The following ENTREP2 variants were observed in gnomAD, a reference collection of about 807,000 sequenced individuals.
ENTREP2 encodes endosomal transmembrane epsin interactor 2.
the ENTREP2 span, among the ~76,000 whole-genome samples, chr15:29,277,349 A>G: frequency 6.6e-6 from 1 of 152,040 alleles, no homozygotes; most frequent in Admixed American, 6.6e-5. Context: ...CTCAAAGAAA[A>G]AAAAAAAAAA....
the ENTREP2 span, chr15:29,374,360 G>A: frequency 2.6e-5 from 4 of 151,854 alleles, no homozygotes; most frequent in South Asian, 8.3e-4. Context: ...CAACTCTTTG[G>A]GGTTTTTGGT....
the ENTREP2 span, among the ~76,000 whole-genome samples, chr15:29,287,312 G>A: frequency 6.7e-6 from 1 of 150,224 alleles, no homozygotes; most frequent in East Asian, 2.0e-4. Flanking sequence ...AAATAGCCGT[G>A]CCTGCATTCG....
At chr15:29,145,248 G>A in the ENTREP2 span, among the ~76,000 whole-genome samples, 1 of 152,106 alleles carries the variant, frequency 6.6e-6, no homozygotes, top group East Asian at 1.9e-4. Context: ...CATATTAATA[G>A]AACAGAGGAC....
the ENTREP2 span, among the ~76,000 whole-genome samples, chr15:29,364,872 C>T: frequency 6.6e-6 from 1 of 152,154 alleles, no homozygotes; most frequent in East Asian, 1.9e-4. Context: ...CACCAGCCGC[C>T]AGCAGAGTGG....
chr15:29,570,191 C>T, the ENTREP2 span, among the ~76,000 whole-genome samples: 10 of 151,696 alleles, frequency 6.6e-5, no homozygotes, highest in Admixed American at 1.3e-4. Context: ...CCCCGGCGCG[C>T]GCGGTCCCCG....
At chr15:29,212,974 G>A in the ENTREP2 span, among the ~76,000 whole-genome samples, 1 of 152,224 alleles carries the variant, frequency 6.6e-6, no homozygotes, top group African/African-American at 2.4e-5. Flanking sequence ...TGTATAAGGT[G>A]TAAGGAAGGG....
chr15:29,484,783 G>A, the ENTREP2 span, among the ~76,000 whole-genome samples: 2 of 152,124 alleles, frequency 1.3e-5, no homozygotes, highest in African/African-American at 4.8e-5. Context: ...TTTACTGAAT[G>A]AAATAAGAAC....
At chr15:29,376,676 C>T in the ENTREP2 span, 2 of 152,244 alleles carry the variant, frequency 1.3e-5, no homozygotes, top group African/African-American at 4.8e-5. Context: ...CTGCTGCTCC[C>T]CTCTCTTTGC....
chr15:29,445,576 G>T, the ENTREP2 span, among the ~76,000 whole-genome samples: 9 of 152,174 alleles, frequency 5.9e-5, no homozygotes, highest in Non-Finnish European at 1.2e-4. Context: ...TTCCTGGAGG[G>T]TGGCGCCCAG....
At chr15:29,496,042 T>C in the ENTREP2 span, among the ~76,000 whole-genome samples, 4 of 152,134 alleles carry the variant, frequency 2.6e-5, no homozygotes, top group African/African-American at 7.2e-5. Flanking sequence ...TCCATGAACA[T>C]GGGATATCTT....
the ENTREP2 span, among the ~76,000 whole-genome samples, chr15:29,618,465 C>T: frequency 3.3e-5 from 5 of 151,158 alleles, no homozygotes; most frequent in African/African-American, 9.7e-5. Flanking sequence ...ATCCAGGAAA[C>T]GCACTTTGAA....
the ENTREP2 span, among the ~76,000 whole-genome samples, chr15:29,614,715 T>C: frequency 6.6e-6 from 1 of 152,144 alleles, no homozygotes; most frequent in African/African-American, 2.4e-5. Flanking sequence ...CACCATCCTA[T>C]GTCCACGTAG....
the ENTREP2 span, among the ~76,000 whole-genome samples, chr15:29,346,272 G>T: frequency 6.6e-6 from 1 of 152,192 alleles, no homozygotes; most frequent in African/African-American, 2.4e-5. Flanking sequence ...CAATTACTGG[G>T]GACATGCTCT....
chr15:29,469,787 A>T, the ENTREP2 span, among the ~76,000 whole-genome samples: 75,926 of 150,832 alleles, frequency 0.5, 20,144 homozygotes, highest in African/African-American at 0.7. Context: ...AATTTTTTTT[A>T]AAAAGCCTCC....
At chr15:29,127,057 T>C in the ENTREP2 span, among the ~76,000 whole-genome samples, 14 of 152,220 alleles carry the variant, frequency 9.2e-5, no homozygotes, top group South Asian at 2.1e-4. Context: ...CCCAGACCCA[T>C]GGAAGCAGAG....
At chr15:29,314,069 A>G in the ENTREP2 span, among the ~76,000 whole-genome samples, 3 of 152,240 alleles carry the variant, frequency 2.0e-5, no homozygotes, top group Non-Finnish European at 2.9e-5. Context: ...AATTGTTGCA[A>G]TCTCATGAGA....
chr15:29,473,302 C>T, the ENTREP2 span, among the ~76,000 whole-genome samples: 3 of 151,770 alleles, frequency 2.0e-5, no homozygotes, highest in East Asian at 1.9e-4. Flanking sequence ...CTGGAATGTG[C>T]CCTCTTCTAT....
the ENTREP2 span, among the ~76,000 whole-genome samples, chr15:29,534,106 CA>C: frequency 0.21 from 9,509 of 45,068 alleles, 165 homozygotes; most frequent in East Asian, 0.31. Flanking sequence ...GCCCCTTGGC[CA>C]AAAAAAAAAA....
At chr15:29,530,220 T>G in the ENTREP2 span, among the ~76,000 whole-genome samples, 1 of 152,132 alleles carries the variant, frequency 6.6e-6, no homozygotes, top group Non-Finnish European at 1.5e-5. Flanking sequence ...CCTAGGGAAC[T>G]GGACTGAACA....
Sources: allele counts gnomAD v4.1 joint callset (sites outside exome capture counted in the v4.1 genomes callset), GRCh38; gene constraint gnomAD v4.1.1; transcripts MANE v1.5; gene names NCBI Gene and HGNC (gene_info 2026-07-23, HGNC 2026-07-21).